CLIC5: variants seen among roughly 807,000 people sequenced by gnomAD.
CLIC5 encodes the protein CLIC family member 5.
Under a neutral mutation model 24.7 loss-of-function variants are expected in CLIC5, and 20 were observed. The observed-to-expected ratio is 0.81, with a 90% CI of 0.57 to 1.18. CLIC5 has a LOEUF of 1.18. Ranked by LOEUF, CLIC5 falls within the 50% of genes most tolerant of loss-of-function variation. CLIC5 has a pLI of 0.00. For synonymous variants in CLIC5, 159 were observed against 135.6 expected, an observed-to-expected ratio of 1.17 and a Z score of -1.20; for missense variants, 341 against 326.1, an observed-to-expected ratio of 1.05 and a Z score of -0.35.
At chr6:46,026,128 C>T (rs1369008168) in intron 1 of CLIC5, among the ~76,000 whole-genome samples, 1 of 152,088 alleles carries the variant, frequency 6.6e-6, no homozygotes, top group Non-Finnish European at 1.5e-5. Flanking sequence ...GAAATTATTT[C>T]CTGAAAGACA....
chr6:46,052,222 C>G (rs868530319), intron 1 of CLIC5, among the ~76,000 whole-genome samples: 5 of 152,096 alleles, frequency 3.3e-5, no homozygotes, highest in Admixed American at 3.3e-4. Flanking sequence ...TTCTTGTTTG[C>G]AAATTGAAGT....
chr6:45,929,200 G>A (rs993668010), intron 4 of CLIC5, among the ~76,000 whole-genome samples: 4 of 151,964 alleles, frequency 2.6e-5, no homozygotes, highest in East Asian at 1.9e-4. Context: ...CCAAGGATTC[G>A]TTTCAGGAGC....
At chr6:45,994,699 G>A (rs1766065247) in intron 1 of CLIC5, among the ~76,000 whole-genome samples, 1 of 152,098 alleles carries the variant, frequency 6.6e-6, no homozygotes, top group African/African-American at 2.4e-5. Flanking sequence ...ATAAATCTGG[G>A]CAAGTAAAGG....
At chr6:45,918,690 C>A (rs3777547) in intron 4 of CLIC5, among the ~76,000 whole-genome samples, 41,732 of 152,230 alleles carry the variant, frequency 0.27, 6,021 homozygotes, top group East Asian at 0.48. Context: ...CTGTTCAACT[C>A]TCCATGGAGA....
chr6:46,114,552 G>A, the CLIC5 span, among the ~76,000 whole-genome samples: 1 of 152,198 alleles, frequency 6.6e-6, no homozygotes, highest in African/African-American at 2.4e-5. Flanking sequence ...TCCTGTATAG[G>A]TACTTGCCCT....
At chr6:46,055,399 G>A (rs1418771334) in intron 1 of CLIC5, among the ~76,000 whole-genome samples, 1 of 152,112 alleles carries the variant, frequency 6.6e-6, no homozygotes, top group Non-Finnish European at 1.5e-5. Context: ...CACCAAGCCC[G>A]GCTAATTTTT....
At chr6:46,127,279 T>TTG in the CLIC5 span, among the ~76,000 whole-genome samples, 2 of 152,196 alleles carry the variant, frequency 1.3e-5, no homozygotes, top group Admixed American at 6.5e-5. Flanking sequence ...TAAAATACAT[T>TTG]TAACTATAGT....
chr6:45,981,932 A>G (rs1354529411), intron 1 of CLIC5, among the ~76,000 whole-genome samples: 1 of 151,322 alleles, frequency 6.6e-6, no homozygotes, highest in East Asian at 1.9e-4. Context: ...TGGGAGGCAG[A>G]GGTTGCAGTG....
At chr6:45,964,994 G>C (rs1764971146) in intron 1 of CLIC5, among the ~76,000 whole-genome samples, 1 of 152,172 alleles carries the variant, frequency 6.6e-6, no homozygotes, top group Non-Finnish European at 1.5e-5. Context: ...AAACATTTAG[G>C]AAGAGCTTGT....
chr6:46,040,909 T>A (rs1028532661), intron 1 of CLIC5, among the ~76,000 whole-genome samples: 1 of 152,182 alleles, frequency 6.6e-6, no homozygotes, highest in African/African-American at 2.4e-5. Context: ...AGATATGATA[T>A]GTTGTACACT....
chr6:46,054,196 T>C (rs934970560), intron 1 of CLIC5, among the ~76,000 whole-genome samples: 1 of 152,232 alleles, frequency 6.6e-6, no homozygotes, highest in East Asian at 1.9e-4. Context: ...ACCTGAAAGA[T>C]CTAGTTGGGA....
chr6:45,935,737 A>G (rs1331318301), intron 4 of CLIC5, among the ~76,000 whole-genome samples: 1 of 152,048 alleles, frequency 6.6e-6, no homozygotes, highest in Non-Finnish European at 1.5e-5. Context: ...TCCCCTTTCT[A>G]AGGGAGCAGG....
chr6:45,961,813 T>C (rs1764851890), intron 1 of CLIC5, among the ~76,000 whole-genome samples: 1 of 152,138 alleles, frequency 6.6e-6, no homozygotes, highest in Admixed American at 6.6e-5. Context: ...AAAGGCCTAA[T>C]TCACTGGGGT....
At chr6:46,107,925 C>T in the CLIC5 span, among the ~76,000 whole-genome samples, 1 of 151,440 alleles carries the variant, frequency 6.6e-6, no homozygotes, top group Admixed American at 6.6e-5. Flanking sequence ...ATCCTAGCCA[C>T]TCGGAGGCTG....
At chr6:45,969,250 G>T (rs991229355) in intron 1 of CLIC5, among the ~76,000 whole-genome samples, 1 of 152,134 alleles carries the variant, frequency 6.6e-6, no homozygotes, top group African/African-American at 2.4e-5. Context: ...CTGCAGGGGA[G>T]GGGCCAGCAC....
At chr6:46,026,979 G>A (rs764504107) in intron 1 of CLIC5, among the ~76,000 whole-genome samples, 5 of 152,054 alleles carry the variant, frequency 3.3e-5, no homozygotes, top group Non-Finnish European at 5.9e-5. Flanking sequence ...CCACTGAGAT[G>A]GCAATTGCCA....
chr6:46,112,842 A>G, the CLIC5 span, among the ~76,000 whole-genome samples: 1 of 152,186 alleles, frequency 6.6e-6, no homozygotes, highest in Non-Finnish European at 1.5e-5. Context: ...AGATCACCTG[A>G]GGTCAGGAGT....
intron 1 of CLIC5, among the ~76,000 whole-genome samples, chr6:46,047,909 T>C (rs1767997464): frequency 6.6e-6 from 1 of 152,210 alleles, no homozygotes; most frequent in Non-Finnish European, 1.5e-5. Context: ...CTTTTGGGAT[T>C]TTTTGATATC....
intron 1 of CLIC5, among the ~76,000 whole-genome samples, chr6:46,079,478 A>G (rs1005244622): frequency 1.3e-5 from 2 of 152,226 alleles, no homozygotes; most frequent in African/African-American, 2.4e-5. Context: ...TGGTATGTAA[A>G]AGTCAGTGAT....
Sources: gnomAD v4.1 joint callset for allele counts (sites outside exome capture counted in the v4.1 genomes callset) on GRCh38, gnomAD v4.1.1 for gene constraint, MANE v1.5 for transcripts, NCBI Gene and HGNC (gene_info 2026-07-23, HGNC 2026-07-21) for gene names.